MKLN1: variants seen among roughly 807,000 people sequenced by gnomAD.
MKLN1 encodes muskelin 1, also known as muskelin.
A neutral mutation model predicts 99.0 loss-of-function variants in MKLN1; 18 were observed. That is an observed-to-expected ratio of 0.18 (90% CI 0.13 to 0.27). MKLN1 has a LOEUF of 0.27. Among genes scored for constraint, MKLN1 ranks in the 10% least tolerant of loss-of-function variants. MKLN1 has a pLI of 1.00. For missense variants in MKLN1, 621 were observed against 875.9 expected (o/e 0.71, Z 3.67); for synonymous variants, 288 against 293.2 (o/e 0.98, Z 0.18).
chr7:131,138,510 TA>T (rs1216975495), intron 1 of MKLN1, among the ~76,000 whole-genome samples: 2 of 152,184 alleles, frequency 1.3e-5, no homozygotes, highest in African/African-American at 4.8e-5. Flanking sequence ...ATTTACATTG[TA>T]AAAGTGTTGT....
At chr7:131,221,974 C>A (rs941942827) in intron 3 of MKLN1, among the ~76,000 whole-genome samples, 1 of 149,986 alleles carries the variant, frequency 6.7e-6, no homozygotes, top group Admixed American at 6.6e-5. Context: ...GGTGTGATCT[C>A]GGCTCACTGC....
At chr7:131,280,823 T>C (rs1798039895) in intron 3 of MKLN1, among the ~76,000 whole-genome samples, 1 of 152,246 alleles carries the variant, frequency 6.6e-6, no homozygotes, top group Admixed American at 6.5e-5. Context: ...TAATTTTTTG[T>C]ATTTTTAGTA....
intron 3 of MKLN1, among the ~76,000 whole-genome samples, chr7:131,252,004 A>C (rs1478066069): frequency 1.3e-5 from 2 of 152,176 alleles, no homozygotes; most frequent in Non-Finnish European, 2.9e-5. Flanking sequence ...GCAACCAAAA[A>C]CAACAGTGCC....
At chr7:131,332,271 G>GA (rs1005886442) in intron 1 of MKLN1, among the ~76,000 whole-genome samples, 2 of 146,900 alleles carry the variant, frequency 1.4e-5, no homozygotes, top group South Asian at 2.1e-4. Context: ...CTCTACAAAA[G>GA]AAAAAAAATA....
intron 2 of MKLN1, among the ~76,000 whole-genome samples, chr7:131,193,422 G>A (rs1435745743): frequency 3.3e-5 from 5 of 152,194 alleles, no homozygotes; most frequent in East Asian, 3.9e-4. Flanking sequence ...CTGGAGTGCA[G>A]TGGTGCGATC....
At chr7:131,124,164 G>A (rs141943983) in intron 1 of MKLN1, among the ~76,000 whole-genome samples, 37 of 152,212 alleles carry the variant, frequency 2.4e-4, no homozygotes, top group Admixed American at 1.2e-3. Context: ...ATCAGCAGGT[G>A]TAGTACCTGG....
At chr7:131,415,116 G>T (rs981493575) in intron 8 of MKLN1, among the ~76,000 whole-genome samples, 6 of 144,438 alleles carry the variant, frequency 4.2e-5, no homozygotes, top group Admixed American at 1.4e-4. Context: ...GTTTGGTTTT[G>T]TTTTTTTTTT....
intron 12 of MKLN1, among the ~76,000 whole-genome samples, chr7:131,453,861 G>T (rs1409366332): frequency 6.6e-6 from 1 of 152,094 alleles, no homozygotes; most frequent in Admixed American, 6.5e-5. Context: ...GGATAATCCT[G>T]TAGTAGAACA....
intron 2 of MKLN1, among the ~76,000 whole-genome samples, chr7:131,178,212 G>T (rs1472425862): frequency 1.3e-5 from 2 of 149,792 alleles, no homozygotes; most frequent in Admixed American, 6.7e-5. Flanking sequence ...TGCCTTCTGG[G>T]TTCAAGCGAT....
intron 3 of MKLN1, among the ~76,000 whole-genome samples, chr7:131,262,865 G>C (rs897308347): frequency 6.6e-6 from 1 of 151,998 alleles, no homozygotes; most frequent in Non-Finnish European, 1.5e-5. Context: ...TGTTTCTTAA[G>C]GCTCTTTATT....
chr7:131,151,173 T>C (rs73149817), intron 2 of MKLN1, among the ~76,000 whole-genome samples: 5,930 of 152,336 alleles, frequency 0.039, 291 homozygotes, highest in South Asian at 0.23. Context: ...CTGCCTGTCC[T>C]CTCTGCATAT....
At chr7:131,463,467 CATT>C (rs1796575494) in intron 13 of MKLN1, 103 bp downstream of exon 13, 2 of 1,204,364 alleles carry the variant, frequency 1.7e-6, no homozygotes, top group Admixed American at 4.3e-5. Flanking sequence ...TAATTTGTGA[CATT>C]GTATATTTAA....
chr7:131,126,005 C>CAA (rs370119710), intron 1 of MKLN1, among the ~76,000 whole-genome samples: 49 of 120,140 alleles, frequency 4.1e-4, no homozygotes, highest in Non-Finnish European at 5.3e-4. Context: ...GACTCCGTCT[C>CAA]AAAAAAAAAA....
intron 3 of MKLN1, among the ~76,000 whole-genome samples, chr7:131,267,080 C>A (rs1369114649): frequency 1.3e-5 from 2 of 152,058 alleles, no homozygotes; most frequent in African/African-American, 4.8e-5. Context: ...CGCCTGTAAT[C>A]CTAGCACTTT....
Position 131,464,406 on chromosome 7 carries a change from A to G in MKLN1, c.1786A>G (p.Lys596Glu), listed in dbSNP as rs754962094. 2.5e-6 allele frequency: 4 copies of G among 1,592,598 alleles called. No individual in the cohort carries two copies. The Admixed American group carries it at 6.7e-5, about 27-fold the overall frequency. The change falls in exon 14 of 18, where the codon AAG becomes GAG. Residue 596 changes from lysine to glutamate, a missense_variant and splice_region_variant. By Grantham distance (56) the Lys-to-Glu change is moderately conservative (BLOSUM62 1). This residue lies in a region of MKLN1 where 126 missense variants were observed against 157.4 expected (regional missense o/e 0.80). Coordinates refer to ENST00000352689, the MANE Select transcript of MKLN1 (RefSeq NM_013255.5). ...TCAGCTTGTATACGATGAGCTACAC[A>G]AGGTATCCTAACTACATTGACCTGT... ...AHQLVYDELH[K>E]VHYLFGGNPG...
chr7:131,399,153 A>C (rs973643548), intron 5 of MKLN1, 88 bp from the exon 6 acceptor site: 16 of 1,097,456 alleles, frequency 1.5e-5, no homozygotes, highest in Non-Finnish European at 1.8e-5. Context: ...TGCTCAGTGT[A>C]GATTAGTTAT....
chr7:131,398,487 A>G (rs1425450898), intron 5 of MKLN1, among the ~76,000 whole-genome samples: 1 of 152,140 alleles, frequency 6.6e-6, no homozygotes, highest in African/African-American at 2.4e-5. Flanking sequence ...TGAGGTCAGG[A>G]GTTCAAGACC....
At chr7:131,455,491 C>T (rs1796304513) in intron 12 of MKLN1, among the ~76,000 whole-genome samples, 1 of 152,034 alleles carries the variant, frequency 6.6e-6, no homozygotes, top group South Asian at 2.1e-4. Flanking sequence ...AACGAGTTGG[C>T]AGTGATAATT....
At chr7:131,325,337 A>G (rs1421071253), upstream of MKLN1, among the ~76,000 whole-genome samples, 2 of 152,268 alleles carry the variant, frequency 1.3e-5, no homozygotes, top group East Asian at 1.9e-4. Context: ...ATCCTGTGTT[A>G]GCTTGCATAG....
Sources: allele counts gnomAD v4.1 joint callset (sites outside exome capture counted in the v4.1 genomes callset), GRCh38; gene constraint gnomAD v4.1.1; regional missense constraint gnomAD v4.1.1; transcripts MANE v1.5; gene names NCBI Gene and HGNC (gene_info 2026-07-23, HGNC 2026-07-21).